The following UBLCP1 variants were observed in gnomAD, a reference collection of about 807,000 sequenced individuals.
The protein encoded by UBLCP1 is ubiquitin like domain containing CTD phosphatase 1, also known as ubiquitin-like domain-containing CTD phosphatase 1.
UBLCP1 carries 28 observed loss-of-function variants against 42.4 expected under a neutral mutation model. That is an observed-to-expected ratio of 0.66 (90% CI 0.49 to 0.90). The LOEUF is 0.90. Ranked by LOEUF, UBLCP1 falls within the 40% of genes least tolerant of loss-of-function variation. The pLI is 0.00. For missense variants in UBLCP1, 279 were observed against 374.5 expected (o/e 0.75, Z 2.10); for synonymous variants, 122 against 120.8 (o/e 1.01, Z -0.07).
intron 5 of UBLCP1, among the ~76,000 whole-genome samples, chr5:159,271,650 G>A (rs1485957322): frequency 6.6e-6 from 1 of 152,184 alleles, no homozygotes. Context: ...TTGATGAAAT[G>A]TGATTATATC....
At chr5:159,278,972 A>G (rs139356276) in intron 9 of UBLCP1, among the ~76,000 whole-genome samples, 368 of 152,324 alleles carry the variant, frequency 2.4e-3, no homozygotes, top group African/African-American at 8.3e-3. Context: ...TTTTAGGTAT[A>G]CAAATCTTGG....
intron 9 of UBLCP1, among the ~76,000 whole-genome samples, chr5:159,282,977 G>A (rs1753625821): frequency 6.6e-6 from 1 of 152,050 alleles, no homozygotes. Context: ...CAATAAGAAA[G>A]CTGGTGTTGT....
At position 159,284,899 on chromosome 5, in the gene UBLCP1, T is replaced by G; in HGVS notation, c.930-5T>G. 21 of 1,612,946 alleles carry G rather than the reference T, an allele frequency of 1.3e-5. No individual in the cohort carries two copies. Among genetic ancestry groups the G allele is most frequent in the Non-Finnish European group, 1.8e-5 (21 of 1,179,344 alleles). On this transcript the variant is annotated splice_polypyrimidine_tract_variant and splice_region_variant and intron_variant, in intron 10 of 10. Coordinates refer to ENST00000296786, the MANE Select transcript of UBLCP1 (RefSeq NM_145049.5). ...GCTTTGACATCTTTATTTTATTTCT[T>G]GCAGATATCTCTCAAAGAAGCAAGG...
At chr5:159,265,405 G>C (rs1000596837) in intron 1 of UBLCP1, among the ~76,000 whole-genome samples, 2 of 152,192 alleles carry the variant, frequency 1.3e-5, no homozygotes, top group Non-Finnish European at 2.9e-5. Flanking sequence ...TGAGTTTAAT[G>C]AAAAATAGAA....
chr5:159,270,244 A>G (rs1390315611), intron 3 of UBLCP1, 116 bp from the exon 4 acceptor site: 3 of 902,622 alleles, frequency 3.3e-6, no homozygotes, highest in South Asian at 1.7e-5. Context: ...ATTTTCCAGT[A>G]TGGGCTTAAA....
chr5:159,269,985 C>T lies in UBLCP1; in HGVS notation c.232C>T (p.Arg78Cys), dbSNP rs773468157. ...PNTKIMMMGT[R>C]EESLEDVLGP... is the part of the protein sequence containing the mutation. ...TACTAAAATCATGATGATGGGAACT[C>T]GTGAGGAGAGCTTGGTAAATGTTTA... Residue 78 changes from arginine (R) to cysteine (C), a missense_variant, in exon 3 of 11, where the codon CGT becomes TGT. Arg to Cys is a radical substitution (Grantham distance 180). Coordinates refer to ENST00000296786, the MANE Select transcript of UBLCP1 (RefSeq NM_145049.5). The T allele has an allele frequency of 6.2e-6, 10 of 1,611,144 alleles. No individual in the cohort carries two copies. The highest frequency in any genetic ancestry group is 3.3e-5 in the South Asian group (3 of 90,538).
At chr5:159,277,709 G>A (rs1457648768) in intron 8 of UBLCP1, among the ~76,000 whole-genome samples, 2 of 152,144 alleles carry the variant, frequency 1.3e-5, no homozygotes, top group Non-Finnish European at 2.9e-5. Context: ...CCGAAGTTAA[G>A]CAATCAAATT....
chr5:159,270,681 C>T, intron 5 of UBLCP1, 38 bp downstream of exon 5: 4 of 1,268,968 alleles, frequency 3.2e-6, no homozygotes, highest in African/African-American at 1.5e-5. Flanking sequence ...TTCTGTTACC[C>T]ACAACAACTC....
chr5:159,263,420 A>AC (rs1203273311), intron 1 of UBLCP1, 60 bp downstream of exon 1: 1 of 152,196 alleles, frequency 6.6e-6, no homozygotes, highest in Non-Finnish European at 1.5e-5. Flanking sequence ...GGGCTCGGGG[A>AC]CAGTGGCTTT....
chr5:159,269,396 T>C (rs1753436874), intron 2 of UBLCP1, among the ~76,000 whole-genome samples: 1 of 152,222 alleles, frequency 6.6e-6, no homozygotes, highest in Non-Finnish European at 1.5e-5. Context: ...GCACAGTGTT[T>C]CGTTGTAACG....
chr5:159,274,668 T>C (rs546240306), intron 7 of UBLCP1, 46 bp downstream of exon 7: 48 of 1,545,258 alleles, frequency 3.1e-5, no homozygotes, highest in Admixed American at 2.1e-4. Context: ...TCAAACTGCA[T>C]TTGTCTTGTT....
At chr5:159,264,287 C>T (rs1753346897) in intron 1 of UBLCP1, among the ~76,000 whole-genome samples, 1 of 152,214 alleles carries the variant, frequency 6.6e-6, no homozygotes, top group South Asian at 2.1e-4. Context: ...AACTTCACTC[C>T]TCCCCACACC....
chr5:159,267,266 C>G (rs576455179), intron 1 of UBLCP1, among the ~76,000 whole-genome samples: 1 of 152,328 alleles, frequency 6.6e-6, no homozygotes, highest in African/African-American at 2.4e-5. Flanking sequence ...GATCTGGAGT[C>G]AAAGGAGATC....
intron 1 of UBLCP1, among the ~76,000 whole-genome samples, chr5:159,265,355 T>C (rs1753377371): frequency 6.6e-6 from 1 of 152,186 alleles, no homozygotes; most frequent in Admixed American, 6.5e-5. Flanking sequence ...TACCAATACC[T>C]TGAGATTAGA....
chr5:159,274,652 A>G, intron 7 of UBLCP1, 30 bp downstream of exon 7: 4 of 1,589,914 alleles, frequency 2.5e-6, no homozygotes, highest in Non-Finnish European at 3.4e-6. Flanking sequence ...CCATTTAAAA[A>G]TATTTTCAAA....
chr5:159,266,590 T>G (rs1200800941), intron 1 of UBLCP1, among the ~76,000 whole-genome samples: 1 of 152,216 alleles, frequency 6.6e-6, no homozygotes, highest in African/African-American at 2.4e-5. Flanking sequence ...GTTAATCCCC[T>G]AGACCGTGGG....
At chr5:159,265,652 TGTGAATAA>T (rs1753381219) in intron 1 of UBLCP1, among the ~76,000 whole-genome samples, 1 of 152,168 alleles carries the variant, frequency 6.6e-6, no homozygotes, top group Admixed American at 6.5e-5. Context: ...GTGCTATTCT[TGTGAATAA>T]GTGAATAAGT....
intron 9 of UBLCP1, among the ~76,000 whole-genome samples, chr5:159,280,294 C>T (rs948840574): frequency 7.9e-5 from 12 of 152,142 alleles, no homozygotes; most frequent in East Asian, 3.8e-4. Context: ...GATCTGCCCA[C>T]GTCGGCATAG....
intron 1 of UBLCP1, among the ~76,000 whole-genome samples, chr5:159,267,312 T>G (rs1473222249): frequency 6.6e-6 from 1 of 152,166 alleles, no homozygotes; most frequent in Non-Finnish European, 1.5e-5. Context: ...CCCCGCTGGA[T>G]TTCGGACTTG....
Sources: gnomAD v4.1 joint callset for allele counts (sites outside exome capture counted in the v4.1 genomes callset) on GRCh38, gnomAD v4.1.1 for gene constraint, MANE v1.5 for transcripts, NCBI Gene and HGNC (gene_info 2026-07-23, HGNC 2026-07-21) for gene names.